The following PLCG2 variants were observed in gnomAD, a reference collection of about 807,000 sequenced individuals.
The protein encoded by PLCG2 is phospholipase C gamma 2, also known as 1-phosphatidylinositol 4,5-bisphosphate phosphodiesterase gamma-2.
Under a neutral mutation model 175.6 loss-of-function variants are expected in PLCG2, and 69 were observed. The ratio of observed to expected loss-of-function variants is 0.39; its 90% confidence interval spans 0.32 to 0.48. The LOEUF (loss-of-function observed/expected upper bound fraction) is 0.48. PLCG2 is among the 20% of genes least tolerant of loss of function. The pLI is 0.91. For missense variants in PLCG2, 1,798 were observed against 1,650.9 expected, an observed-to-expected ratio of 1.09 and a Z score of -1.54; for synonymous variants, 827 against 624.0, an observed-to-expected ratio of 1.33 and a Z score of -4.85.
In PLCG2 at chr16:81,745,076, T is replaced by C. The variant is rs1253107933; in HGVS notation, c.-145+5691T>C. Among the ~76,000 whole-genome samples the C allele has an allele frequency of 9.2e-5, 14 of 152,340 alleles. No homozygotes were observed. The South Asian group carries it at 2.7e-3, about 29-fold the overall frequency. On this transcript the variant is annotated intron_variant, in intron 1 of 5. Coordinates refer to the PLCG2 transcript ENST00000565054. Reference sequence around the variant, plus strand: ...TAAACATTCAGCAAAGAATATAAGATGATTAAGTGCTGGTTGTAAATGACC... The same window carrying C: ...TAAACATTCAGCAAAGAATATAAGACGATTAAGTGCTGGTTGTAAATGACC...
chr16:81,916,532 A>G (rs183320588), intron 19 of PLCG2, among the ~76,000 whole-genome samples: 13 of 152,290 alleles, frequency 8.5e-5, no homozygotes, highest in African/African-American at 2.9e-4. Context: ...ATATGTATAC[A>G]TGGTGAAATG....
intron 2 of PLCG2, 92 bp from the exon 3 acceptor site, chr16:81,854,352 A>T (rs4072830): frequency 7.8e-6 from 9 of 1,160,352 alleles, no homozygotes; most frequent in Admixed American, 5.3e-5. Flanking sequence ...GGAAGGAAGG[A>T]GCCAGGCTGT....
chr16:81,880,997 C>G, intron 8 of PLCG2, 44 bp downstream of exon 8: 1 of 1,595,750 alleles, frequency 6.3e-7, no homozygotes, highest in Non-Finnish European at 8.6e-7. Flanking sequence ...TGTGCCGGAC[C>G]TCGGTGCCTG....
At chr16:81,747,189 G>A (rs1489613566) in intron 1 of PLCG2, among the ~76,000 whole-genome samples, 1 of 152,130 alleles carries the variant, frequency 6.6e-6, no homozygotes, top group Non-Finnish European at 1.5e-5. Context: ...TCCCCCTCTA[G>A]GAATTTCTCC....
chr16:81,892,337 T>G (rs112453425), intron 11 of PLCG2, among the ~76,000 whole-genome samples: 4 of 152,308 alleles, frequency 2.6e-5, no homozygotes, highest in African/African-American at 9.6e-5. Flanking sequence ...TTACTCTGAT[T>G]GCAACAGAAG....
intron 2 of PLCG2, among the ~76,000 whole-genome samples, chr16:81,807,524 TTTATG>T (rs1166727912): frequency 1.3e-4 from 20 of 152,310 alleles, no homozygotes; most frequent in African/African-American, 4.3e-4. Context: ...AGAGCTGACA[TTTATG>T]TAGTATATGT....
At chr16:81,812,431 A>T (rs568503231) in intron 2 of PLCG2, among the ~76,000 whole-genome samples, 12 of 152,288 alleles carry the variant, frequency 7.9e-5, no homozygotes, top group African/African-American at 2.9e-4. Context: ...GCATTTCTCT[A>T]ATGACCAGTG....
At chr16:81,799,102 C>G (rs1911605474) in intron 2 of PLCG2, 1 of 152,260 alleles carries the variant, frequency 6.6e-6, no homozygotes, top group African/African-American at 2.4e-5. Context: ...AGCTGCTTCC[C>G]TCTGGCCTTG....
At chr16:81,813,654 C>T (rs575248809) in intron 2 of PLCG2, among the ~76,000 whole-genome samples, 10 of 152,322 alleles carry the variant, frequency 6.6e-5, no homozygotes, top group African/African-American at 2.4e-4. Context: ...ATTTGCTGTT[C>T]TGTCTCACTT....
At chr16:81,943,980 T>A (rs75446520) in intron 30 of PLCG2, among the ~76,000 whole-genome samples, 1 of 152,190 alleles carries the variant, frequency 6.6e-6, no homozygotes, top group East Asian at 1.9e-4. Flanking sequence ...GGGCTCATTT[T>A]GAAGAGAACA....
At chr16:81,745,550 C>G (rs1442245680) in intron 1 of PLCG2, among the ~76,000 whole-genome samples, 1 of 152,158 alleles carries the variant, frequency 6.6e-6, no homozygotes, top group Non-Finnish European at 1.5e-5. Flanking sequence ...TAATTACCAG[C>G]TGGATGTCAA....
intron 8 of PLCG2, among the ~76,000 whole-genome samples, chr16:81,882,908 C>G (rs1908157737): frequency 6.7e-6 from 1 of 150,082 alleles, no homozygotes; most frequent in African/African-American, 2.4e-5. Context: ...CCCCTCCCTT[C>G]CCACCCTCAT....
At chr16:81,871,201 A>G (rs1907497433) in intron 7 of PLCG2, among the ~76,000 whole-genome samples, 1 of 152,208 alleles carries the variant, frequency 6.6e-6, no homozygotes, top group African/African-American at 2.4e-5. Flanking sequence ...TTTGATTGGA[A>G]TTTGATCTGA....
At chr16:81,869,838 A>G (rs964737111) in intron 6 of PLCG2, among the ~76,000 whole-genome samples, 1 of 152,162 alleles carries the variant, frequency 6.6e-6, no homozygotes, top group Non-Finnish European at 1.5e-5. Context: ...TCCATGAGTG[A>G]TGGGATATAG....
chr16:81,835,652 A>G (rs906682741), intron 2 of PLCG2, among the ~76,000 whole-genome samples: 1 of 152,202 alleles, frequency 6.6e-6, no homozygotes, highest in African/African-American at 2.4e-5. Flanking sequence ...GTTATTACCT[A>G]TATTAGTGTC....
At chr16:81,912,470 AT>A (rs1597127216) in intron 18 of PLCG2, 126 bp from the exon 19 acceptor site, 1 of 1,163,630 alleles carries the variant, frequency 8.6e-7, no homozygotes, top group East Asian at 2.6e-5. Context: ...CCACTGTGTG[AT>A]TTCCATGGTC....
chr16:81,827,269 C>G (rs1359039025), intron 2 of PLCG2, among the ~76,000 whole-genome samples: 2 of 151,560 alleles, frequency 1.3e-5, no homozygotes, highest in Non-Finnish European at 2.9e-5. Context: ...TCACTGCAGC[C>G]TCAGCTTCCC....
Position 81,958,158 on chromosome 16 carries a change from G to T in PLCG2, c.*160G>T, listed in dbSNP as rs1911650796. 3.3e-6 allele frequency: 2 copies of T among 604,970 alleles called. No individual in the cohort carries two copies. The highest frequency in any genetic ancestry group is 6.1e-6 in the Non-Finnish European group (2 of 330,166). 37.5% of individuals were successfully genotyped at this position (604,970 alleles called of 1,614,324 possible). On this transcript the variant is annotated 3_prime_UTR_variant, in exon 33 of 33. Transcript: ENST00000564138. ...TCTTAAGACCCAACTGGCATGAGTT[G>T]GGGTAATTTCCTATTATTTTCATCT...
At position 81,871,007 on chromosome 16, in the gene PLCG2, C is replaced by G. The variant is rs191095368; in HGVS notation, c.648+72C>G. 2.8e-3 allele frequency: 2,148 copies of G among 780,914 alleles called. 9 individuals carry two copies. Among genetic ancestry groups the G allele is most frequent in the Non-Finnish European group, 3.9e-3 (1,810 of 470,010 alleles). 48.4% of individuals were successfully genotyped at this position (780,914 alleles called of 1,614,324 possible). On this transcript the variant is annotated intron_variant, in intron 7 of 32. Coordinates refer to ENST00000564138, the MANE Select transcript of PLCG2 (RefSeq NM_002661.5). ...ATGTATTTCCAAGTCTGGCATGTTC[C>G]TAAGAAACCCACAAGAAGTGTTGAA... is the stretch of plus-strand genomic sequence containing the variant.
Sources: gnomAD v4.1 joint callset for allele counts (sites outside exome capture counted in the v4.1 genomes callset) on GRCh38, gnomAD v4.1.1 for gene constraint, MANE v1.5 for transcripts, NCBI Gene and HGNC (gene_info 2026-07-23, HGNC 2026-07-21) for gene names.